The following ZNF493 variants were observed in gnomAD, a reference collection of about 807,000 sequenced individuals.
ZNF493 encodes zinc finger protein 493.
Under a neutral mutation model 12.2 loss-of-function variants are expected in ZNF493, and 11 were observed. The observed-to-expected ratio is 0.90, with a 90% CI of 0.57 to 1.50. ZNF493 has a LOEUF of 1.50. Among genes scored for constraint, ZNF493 ranks in the 40% most tolerant of loss-of-function variants. The pLI, the probability that ZNF493 is intolerant of heterozygous loss-of-function variation, is 0.00. For missense variants in ZNF493, 950 were observed against 906.6 expected (o/e 1.05, Z -0.61); for synonymous variants, 286 against 302.6 (o/e 0.95, Z 0.57).
At chr19:21,408,734 A>G (rs2030220083) in intron 3 of ZNF493, 2 of 985,132 alleles carry the variant, frequency 2.0e-6, no homozygotes, top group African/African-American at 3.5e-5. Context: ...GTCAATTTGC[A>G]ATTCTGTCTG....
chr19:21,423,519 A>C lies in ZNF493; in HGVS notation c.860A>C (p.His287Pro). The change falls in exon 4 of 4, where the codon CAT (histidine) becomes CCT (proline). Residue 287 changes from histidine to proline, a missense_variant. Coordinates refer to ENST00000392288, the MANE Select transcript of ZNF493 (RefSeq NM_001076678.3). ...FSYLTRHKLI[H>P]TREKPYKCEQ... Reference sequence around the variant, plus strand: ...TACCTTACTAGGCATAAGCTAATTCATACTAGAGAGAAACCCTATAAATGT... The same window carrying C: ...TACCTTACTAGGCATAAGCTAATTCCTACTAGAGAGAAACCCTATAAATGT... The C allele has an allele frequency of 2.5e-6, 4 of 1,613,804 alleles. No individual in the cohort carries two copies. In the South Asian group the frequency reaches 4.4e-5, roughly 18 times the overall value.
chr19:21,409,657 A>G (rs1336765802), intron 3 of ZNF493, among the ~76,000 whole-genome samples: 1 of 152,072 alleles, frequency 6.6e-6, no homozygotes, highest in African/African-American at 2.4e-5. Context: ...AGAGGGGAGG[A>G]TTACTTGAGC....
intron 2 of ZNF493, 142 bp downstream of exon 2, chr19:21,405,397 G>T (rs561590393): frequency 4.1e-6 from 6 of 1,467,112 alleles, no homozygotes; most frequent in Admixed American, 2.7e-5. Flanking sequence ...AGAACTGTCC[G>T]TGTGGAAAAA....
At chr19:21,400,624 A>C (rs2029905758) in intron 1 of ZNF493, among the ~76,000 whole-genome samples, 1 of 151,942 alleles carries the variant, frequency 6.6e-6, no homozygotes, top group African/African-American at 2.4e-5. Flanking sequence ...TTTTCTGGAG[A>C]GCCTCCCCTG....
At chr19:21,399,799 C>T (rs1265855189) in intron 1 of ZNF493, among the ~76,000 whole-genome samples, 2 of 152,084 alleles carry the variant, frequency 1.3e-5, no homozygotes, top group African/African-American at 2.4e-5. Flanking sequence ...GAAAAAATCT[C>T]CATTTCATTT....
At chr19:21,405,401 G>T in intron 2 of ZNF493, 146 bp downstream of exon 2, 1 of 1,459,592 alleles carries the variant, frequency 6.9e-7, no homozygotes, top group Non-Finnish European at 9.0e-7. Context: ...CTGTCCGTGT[G>T]GAAAAAAATT....
chr19:21,397,176 G>T lies in ZNF493; in HGVS notation c.-62G>T, dbSNP rs1974183115. 1 of 1,602,084 alleles carries T rather than the reference G, an allele frequency of 6.2e-7. No individual in the cohort carries two copies. The highest frequency in any genetic ancestry group is 8.6e-7 in the Non-Finnish European group (1 of 1,169,080). On this transcript the variant is annotated 5_prime_UTR_variant, in exon 1 of 4. Transcript: ENST00000392288. ...CGGAGCTCCAGGTCTACCCTTCACT[G>T]CTCTGTGTCCTCAGCGTGTGTGGCT...
At chr19:21,414,175 C>G (rs1172834938) in intron 3 of ZNF493, 1 of 151,788 alleles carries the variant, frequency 6.6e-6, no homozygotes, top group Non-Finnish European at 1.5e-5. Context: ...GTAGCCCAGA[C>G]AAAGTAAGAA....
intron 3 of ZNF493, among the ~76,000 whole-genome samples, chr19:21,419,652 C>G (rs1475560290): frequency 1.3e-5 from 2 of 152,218 alleles, no homozygotes; most frequent in East Asian, 3.9e-4. Context: ...TCTGCCTTTT[C>G]CAGCCCACTG....
chr19:21,407,924 A>G, intron 3 of ZNF493: 5 of 984,858 alleles, frequency 5.1e-6, no homozygotes, highest in Non-Finnish European at 6.0e-6. Context: ...ATGGCAAACA[A>G]CTCCTTAAGT....
At chr19:21,403,315 G>T (rs1191880223) in intron 1 of ZNF493, among the ~76,000 whole-genome samples, 2 of 152,206 alleles carry the variant, frequency 1.3e-5, no homozygotes, top group Admixed American at 6.5e-5. Context: ...CACAGGAACT[G>T]TTCCGTTTGG....
chr19:21,422,938 C>T lies in ZNF493; in HGVS notation c.279C>T (p.Asp93=). 1 of 1,565,744 alleles carries T rather than the reference C, an allele frequency of 6.4e-7. No individual in the cohort carries two copies. The highest frequency in any genetic ancestry group is 8.6e-7 in the Non-Finnish European group (1 of 1,159,874). ...TTATATGTTCTCATTTTGCTGAAGA[C>T]TTTTGCCCAGGGCCAGGCATTAAAG... ...PPVICSHFAE[D]FCPGPGIKDS... The change falls in exon 4 of 4, where the codon GAC becomes GAT. Residue 93 remains aspartate (D), a synonymous_variant. Transcript: ENST00000392288.
At chr19:21,413,711 C>G (rs2030397493) in intron 3 of ZNF493, 3 of 377,490 alleles carry the variant, frequency 7.9e-6, no homozygotes, top group Middle Eastern at 6.8e-4. Context: ...AGCATAATCT[C>G]TACCCCAAGT....
chr19:21,424,275 A>G lies in ZNF493; in HGVS notation c.1616A>G (p.His539Arg). The change falls in exon 4 of 4, where the codon CAC becomes CGC. Residue 539 changes from histidine (H) to arginine (R), a missense_variant. His to Arg is a conservative substitution (Grantham distance 29). Transcript: ENST00000392288. ...ACCCTTACTATACATAAAATGATTC[A>G]CACTGGAGAAAAACCCTACAAATGT... is the stretch of plus-strand genomic sequence containing the variant. ...SSTLTIHKMI[H>R]TGEKPYKCEE... 1.2e-6 allele frequency: 2 copies of G among 1,612,656 alleles called. No individual in the cohort carries two copies. Among genetic ancestry groups the G allele is most frequent in the South Asian group, 1.1e-5 (1 of 90,932 alleles).
At position 21,424,295 on chromosome 19, in the gene ZNF493, A is replaced by C; in HGVS notation, c.1636A>C (p.Lys546Gln). 1 of 1,613,758 alleles carries C rather than the reference A, an allele frequency of 6.2e-7. No homozygotes were observed. Among genetic ancestry groups the C allele is most frequent in the Non-Finnish European group, 8.5e-7 (1 of 1,179,794 alleles). The change falls in exon 4 of 4, where the codon AAA becomes CAA. Residue 546 changes from lysine to glutamine, a missense_variant. Physicochemically the swap from Lys to Gln is moderately conservative, Grantham distance 53 (BLOSUM62 1). Transcript: ENST00000392288. Reference sequence around the variant, plus strand: ...GATTCACACTGGAGAAAAACCCTACAAATGTGAAGAATGTGGCAAAGCTTT... The same window carrying C: ...GATTCACACTGGAGAAAAACCCTACCAATGTGAAGAATGTGGCAAAGCTTT... Reference protein sequence around the residue: ...KMIHTGEKPYKCEECGKAFNR... With the variant: ...KMIHTGEKPYQCEECGKAFNR...
chr19:21,406,235 A>T (rs1403276254), intron 3 of ZNF493, among the ~76,000 whole-genome samples: 1 of 152,018 alleles, frequency 6.6e-6, no homozygotes, highest in Non-Finnish European at 1.5e-5. Context: ...AAAAAAAAGG[A>T]AAAGAAAATA....
At chr19:21,405,621 TAAG>T in intron 2 of ZNF493, 137 bp from the exon 3 acceptor site, 1 of 1,086,106 alleles carries the variant, frequency 9.2e-7, no homozygotes, top group South Asian at 2.3e-5. Context: ...TTCTAAATGT[TAAG>T]AACTTTCTGT....
intron 3 of ZNF493, chr19:21,413,527 C>T (rs1045795180): frequency 2.7e-5 from 11 of 401,736 alleles, no homozygotes; most frequent in African/African-American, 1.2e-4. Flanking sequence ...CTGTGTTCGA[C>T]GTGTGTTGCT....
chr19:21,416,518 G>A (rs554127416), intron 3 of ZNF493, among the ~76,000 whole-genome samples: 4 of 152,252 alleles, frequency 2.6e-5, no homozygotes, highest in Admixed American at 6.5e-5. Context: ...AATTGGTCAC[G>A]CGGATGGCCA....
Sources: allele counts gnomAD v4.1 joint callset (sites outside exome capture counted in the v4.1 genomes callset), GRCh38; gene constraint gnomAD v4.1.1; transcripts MANE v1.5; gene names NCBI Gene and HGNC (gene_info 2026-07-23, HGNC 2026-07-21).